The following GRB10 variants were observed in gnomAD, a reference collection of about 807,000 sequenced individuals.
The protein encoded by GRB10 is growth factor receptor-bound protein 10.
A neutral mutation model predicts 80.9 loss-of-function variants in GRB10; 20 were observed. That is an observed-to-expected ratio of 0.25 (90% CI 0.17 to 0.36). The LOEUF is 0.36. Among genes scored for constraint, GRB10 ranks in the 10% least tolerant of loss-of-function variants. GRB10 has a pLI of 1.00. For missense variants in GRB10, 548 were observed against 747.7 expected (o/e 0.73, Z 3.12); for synonymous variants, 291 against 291.5 (o/e 1.00, Z 0.02).
At chr7:50,623,690 T>C (rs2052324564) in intron 8 of GRB10, among the ~76,000 whole-genome samples, 1 of 152,218 alleles carries the variant, frequency 6.6e-6, no homozygotes, top group East Asian at 1.9e-4. Flanking sequence ...TCACTTTTTC[T>C]AAAGCCATCA....
At chr7:50,736,669 G>C (rs1211507916) in intron 3 of GRB10, among the ~76,000 whole-genome samples, 1 of 152,166 alleles carries the variant, frequency 6.6e-6, no homozygotes, top group Non-Finnish European at 1.5e-5. Flanking sequence ...TGTAGTCCCA[G>C]CTAATTGGGA....
At chr7:50,596,473 G>A (rs1353540295) in intron 17 of GRB10, among the ~76,000 whole-genome samples, 2 of 152,212 alleles carry the variant, frequency 1.3e-5, no homozygotes, top group African/African-American at 2.4e-5. Flanking sequence ...GCTTCTACTC[G>A]AAACGCAGGT....
At chr7:50,624,410 C>T (rs577955854) in intron 8 of GRB10, among the ~76,000 whole-genome samples, 6 of 152,368 alleles carry the variant, frequency 3.9e-5, no homozygotes, top group African/African-American at 1.4e-4. Flanking sequence ...AGGCACCCTG[C>T]AGCCCTGCAT....
chr7:50,719,203 GAACAC>G (rs1465637629), intron 4 of GRB10, among the ~76,000 whole-genome samples: 1 of 152,224 alleles, frequency 6.6e-6, no homozygotes, highest in Non-Finnish European at 1.5e-5. Flanking sequence ...AATTTACACA[GAACAC>G]AAGGGAAGGC....
At chr7:50,684,079 G>A (rs960134216) in intron 5 of GRB10, among the ~76,000 whole-genome samples, 32 of 152,022 alleles carry the variant, frequency 2.1e-4, no homozygotes, top group Non-Finnish European at 3.2e-4. Context: ...AAGTGCCGCC[G>A]CCAGTGGAGG....
chr7:50,781,989 C>T (rs2153713907), intron 1 of GRB10, among the ~76,000 whole-genome samples: 1 of 152,306 alleles, frequency 6.6e-6, no homozygotes, highest in South Asian at 2.1e-4. Flanking sequence ...CAGGCTCTAG[C>T]ATTATGTTTT....
chr7:50,755,175 G>A lies in GRB10; in HGVS notation c.-47+712C>T, dbSNP rs565189809. On this transcript the variant is annotated intron_variant, in intron 3 of 18. Transcript: ENST00000401949. ...CCTCCACTCTGCAGGCAAAGGCTCC[G>A]GCAGGTCTGTGTGCTGAAGCCGTTC... Among the ~76,000 whole-genome samples the A allele has an allele frequency of 3.3e-5, 5 of 152,310 alleles. No individual in the cohort carries two copies. In the East Asian group the frequency reaches 7.7e-4, roughly 24 times the overall value.
At chr7:50,723,758 C>A (rs1201834194) in intron 4 of GRB10, among the ~76,000 whole-genome samples, 3 of 152,248 alleles carry the variant, frequency 2.0e-5, no homozygotes, top group Admixed American at 1.3e-4. Flanking sequence ...AACCTGGGGC[C>A]TGCATGCCTC....
chr7:50,630,039 G>A (rs957318534), intron 7 of GRB10, among the ~76,000 whole-genome samples: 9 of 152,234 alleles, frequency 5.9e-5, no homozygotes, highest in African/African-American at 2.2e-4. Flanking sequence ...GTGAGAAGCT[G>A]AGACCCACAA....
intron 8 of GRB10, among the ~76,000 whole-genome samples, 164 bp from the exon 9 acceptor site, chr7:50,619,449 C>T (rs964049723): frequency 6.6e-6 from 1 of 152,210 alleles, no homozygotes; most frequent in Admixed American, 6.5e-5. Context: ...TAATGCATTA[C>T]CAAATGCATA....
chr7:50,663,686 T>C (rs763638394), intron 7 of GRB10, among the ~76,000 whole-genome samples: 1 of 152,244 alleles, frequency 6.6e-6, no homozygotes, highest in Non-Finnish European at 1.5e-5. Context: ...CTCTTGGTGA[T>C]ACTTTTGTAG....
intron 12 of GRB10, among the ~76,000 whole-genome samples, chr7:50,613,191 G>A (rs1215584809): frequency 2.6e-5 from 4 of 152,154 alleles, no homozygotes; most frequent in Middle Eastern, 3.2e-3. Context: ...CTCTGTCGAC[G>A]GACTGGATTC....
rs547664835 is a variant in GRB10, at chr7:50,763,946, G to A, written c.-216-7890C>T. Among the ~76,000 whole-genome samples, 15 of 152,288 alleles carry A rather than the reference G, an allele frequency of 9.8e-5. 1 individual carries two copies. In the Middle Eastern group the frequency reaches 0.01, roughly 104 times the overall value. On this transcript the variant is annotated intron_variant, in intron 2 of 18. Coordinates refer to ENST00000401949, the MANE Select transcript of GRB10 (RefSeq NM_001350814.2). ...CTTCAAATGCACCCAAATTCTCAGC[G>A]ACAGCTGCCAGGCCTGACGCGTGTG...
chr7:50,710,938 G>T, intron 4 of GRB10: 1 of 1,607,940 alleles, frequency 6.2e-7, no homozygotes, highest in Non-Finnish European at 8.5e-7. Flanking sequence ...TCTCTACAGT[G>T]GGTATCACGT....
At chr7:50,791,878 A>T (rs1224606503) in intron 1 of GRB10, among the ~76,000 whole-genome samples, 3 of 150,208 alleles carry the variant, frequency 2.0e-5, no homozygotes, top group African/African-American at 7.3e-5. Flanking sequence ...TACTTAAAAT[A>T]CTCTCCTAAA....
At position 50,759,371 on chromosome 7, in the gene GRB10, C is replaced by A. The variant is rs1207876648; in HGVS notation, c.-216-3315G>T. Reference sequence around the variant, plus strand: ...AGATGGAAGCGAAAACAGAAACCATCCCACCTCACTGCCAACATCATCTCT... The same window carrying A: ...AGATGGAAGCGAAAACAGAAACCATACCACCTCACTGCCAACATCATCTCT... On this transcript the variant is annotated intron_variant, in intron 2 of 18. Coordinates refer to ENST00000401949, the MANE Select transcript of GRB10 (RefSeq NM_001350814.2). Among the ~76,000 whole-genome samples the A allele has an allele frequency of 3.9e-5, 6 of 152,202 alleles. No individual in the cohort carries two copies. In the East Asian group the frequency reaches 1.2e-3, roughly 29 times the overall value.
chr7:50,774,587 T>C (rs145118480), intron 2 of GRB10, among the ~76,000 whole-genome samples: 14 of 152,274 alleles, frequency 9.2e-5, no homozygotes, highest in Non-Finnish European at 1.8e-4. Context: ...GGAGCCCTCA[T>C]GACCTTATCA....
upstream of GRB10, among the ~76,000 whole-genome samples, chr7:50,786,523 C>T (rs946397898): frequency 3.3e-5 from 5 of 152,232 alleles, no homozygotes; most frequent in Admixed American, 1.3e-4. Flanking sequence ...CTCTGGTACT[C>T]TTTCATACAC....
At chr7:50,688,312 G>A (rs2062351008) in intron 5 of GRB10, among the ~76,000 whole-genome samples, 1 of 152,096 alleles carries the variant, frequency 6.6e-6, no homozygotes, top group African/African-American at 2.4e-5. Context: ...ACATGTATTT[G>A]ATAATTTAAT....
Sources: gnomAD v4.1 joint callset for allele counts (sites outside exome capture counted in the v4.1 genomes callset) on GRCh38, gnomAD v4.1.1 for gene constraint, MANE v1.5 for transcripts, NCBI Gene and HGNC (gene_info 2026-07-23, HGNC 2026-07-21) for gene names.